PPP2R2B: variants seen among roughly 807,000 people sequenced by gnomAD.
The protein encoded by PPP2R2B is serine/threonine-protein phosphatase 2A 55 kDa regulatory subunit B beta isoform.
Under a neutral mutation model 46.0 loss-of-function variants are expected in PPP2R2B, and 5 were observed. The observed-to-expected ratio is 0.11, with a 90% CI of 0.06 to 0.23. The LOEUF (loss-of-function observed/expected upper bound fraction) is 0.23. PPP2R2B is among the 10% of genes least tolerant of loss of function. PPP2R2B has a pLI of 1.00. For synonymous variants in PPP2R2B, 215 were observed against 206.7 expected, an observed-to-expected ratio of 1.04 and a Z score of -0.34; for missense variants, 367 against 575.0, an observed-to-expected ratio of 0.64 and a Z score of 3.70.
intron 1 of PPP2R2B, among the ~76,000 whole-genome samples, chr5:147,052,736 C>A (rs118147970): frequency 1.3e-5 from 2 of 152,006 alleles, no homozygotes; most frequent in Non-Finnish European, 2.9e-5. Flanking sequence ...ATGCAGGCCC[C>A]GCTTGCCATG....
At chr5:146,787,366 A>AT (rs1755905346) in intron 2 of PPP2R2B, among the ~76,000 whole-genome samples, 1 of 152,186 alleles carries the variant, frequency 6.6e-6, no homozygotes, top group Non-Finnish European at 1.5e-5. Context: ...AGACGCATAG[A>AT]TTTTTTTAAC....
intron 5 of PPP2R2B, among the ~76,000 whole-genome samples, chr5:146,676,398 C>T (rs983849302): frequency 6.6e-6 from 1 of 152,150 alleles, no homozygotes; most frequent in Non-Finnish European, 1.5e-5. Context: ...TACCACACAT[C>T]CCCTGCACTC....
At chr5:146,764,258 T>C (rs1754336674) in intron 2 of PPP2R2B, among the ~76,000 whole-genome samples, 1 of 152,116 alleles carries the variant, frequency 6.6e-6, no homozygotes. Context: ...ACAAAAGCCT[T>C]GTGGGCCCAC....
intron 1 of PPP2R2B, among the ~76,000 whole-genome samples, chr5:146,965,281 C>T (rs900536385): frequency 1.3e-5 from 2 of 152,166 alleles, no homozygotes; most frequent in Non-Finnish European, 2.9e-5. Context: ...CTATAGAATT[C>T]TTATACATAC....
At chr5:146,847,301 G>C (rs1440768523) in intron 2 of PPP2R2B, among the ~76,000 whole-genome samples, 2 of 152,050 alleles carry the variant, frequency 1.3e-5, no homozygotes, top group Non-Finnish European at 2.9e-5. Context: ...TGACATAATA[G>C]ACTTACTTCC....
intron 7 of PPP2R2B, among the ~76,000 whole-genome samples, chr5:146,622,032 T>C (rs777366360): frequency 3.9e-5 from 6 of 152,176 alleles, no homozygotes; most frequent in African/African-American, 7.2e-5. Flanking sequence ...AGAAAAATAC[T>C]TGTGTTCCTC....
At chr5:147,047,611 A>G (rs1756603135) in intron 1 of PPP2R2B, among the ~76,000 whole-genome samples, 1 of 152,110 alleles carries the variant, frequency 6.6e-6, no homozygotes, top group African/African-American at 2.4e-5. Flanking sequence ...CACCAAAGCA[A>G]TTGTCTGATA....
intron 2 of PPP2R2B, among the ~76,000 whole-genome samples, chr5:147,071,632 A>G (rs1484130411): frequency 1.3e-5 from 2 of 151,310 alleles, no homozygotes; most frequent in African/African-American, 2.5e-5. Flanking sequence ...TATTCACAAG[A>G]CGATATTTTT....
chr5:146,916,351 C>T (rs1295178111), intron 1 of PPP2R2B, among the ~76,000 whole-genome samples: 1 of 146,666 alleles, frequency 6.8e-6, no homozygotes, highest in African/African-American at 2.5e-5. Context: ...TATAGTAGGT[C>T]TCATTATATA....
intron 2 of PPP2R2B, among the ~76,000 whole-genome samples, chr5:146,872,962 T>C (rs1046567531): frequency 6.6e-6 from 1 of 152,226 alleles, no homozygotes; most frequent in African/African-American, 2.4e-5. Context: ...ACCTTTAATA[T>C]GCTGGTGATG....
At chr5:146,948,500 G>A (rs1173950409) in intron 1 of PPP2R2B, among the ~76,000 whole-genome samples, 1 of 151,974 alleles carries the variant, frequency 6.6e-6, no homozygotes. Context: ...AGTGCCTGAT[G>A]TAGGTACACA....
chr5:146,709,120 C>A (rs1054400547), intron 2 of PPP2R2B, among the ~76,000 whole-genome samples: 1 of 152,168 alleles, frequency 6.6e-6, no homozygotes, highest in Non-Finnish European at 1.5e-5. Flanking sequence ...ACTGAATATT[C>A]TTCCTTTCAT....
At chr5:146,733,861 A>G (rs1752378342) in intron 2 of PPP2R2B, among the ~76,000 whole-genome samples, 1 of 152,206 alleles carries the variant, frequency 6.6e-6, no homozygotes, top group South Asian at 2.1e-4. Context: ...TTGAGTCATG[A>G]CAATAGCAGC....
At chr5:146,641,916 T>C (rs759229736) in intron 6 of PPP2R2B, among the ~76,000 whole-genome samples, 7 of 152,136 alleles carry the variant, frequency 4.6e-5, no homozygotes, top group Non-Finnish European at 8.8e-5. Context: ...AATAACTAGA[T>C]GGCAAAAGCA....
chr5:146,678,186 T>C (rs1777877629), intron 5 of PPP2R2B, among the ~76,000 whole-genome samples: 1 of 152,134 alleles, frequency 6.6e-6, no homozygotes, highest in African/African-American at 2.4e-5. Context: ...TCAAAAAGCT[T>C]ATCCACCATG....
chr5:146,954,746 A>T (rs1011786322), intron 1 of PPP2R2B, among the ~76,000 whole-genome samples: 13 of 115,962 alleles, frequency 1.1e-4, no homozygotes, highest in Non-Finnish European at 5.6e-5. Flanking sequence ...ATATATGAAT[A>T]TGTGTATATA....
chr5:146,732,473 T>G (rs1267812911), intron 2 of PPP2R2B, among the ~76,000 whole-genome samples: 1 of 152,158 alleles, frequency 6.6e-6, no homozygotes, highest in Non-Finnish European at 1.5e-5. Flanking sequence ...CCACAGTGAC[T>G]ATGGCCTTGA....
chr5:146,911,395 A>G (rs1267928599), intron 1 of PPP2R2B, among the ~76,000 whole-genome samples: 1 of 152,120 alleles, frequency 6.6e-6, no homozygotes, highest in Non-Finnish European at 1.5e-5. Flanking sequence ...TGACTTTTAA[A>G]ATAAATCACA....
At chr5:146,745,250 G>C (rs978352218) in intron 2 of PPP2R2B, among the ~76,000 whole-genome samples, 1 of 151,870 alleles carries the variant, frequency 6.6e-6, no homozygotes, top group South Asian at 2.1e-4. Flanking sequence ...CACTGGGTCA[G>C]CCAGTGGGCC....
Sources: allele counts gnomAD v4.1 joint callset (sites outside exome capture counted in the v4.1 genomes callset), GRCh38; gene constraint gnomAD v4.1.1; transcripts MANE v1.5; gene names NCBI Gene and HGNC (gene_info 2026-07-23, HGNC 2026-07-21).